Variants in USP42 observed in about 807,000 individuals in gnomAD.
The protein encoded by USP42 is ubiquitin carboxyl-terminal hydrolase 42.
Under a neutral mutation model 113.0 loss-of-function variants are expected in USP42, and 23 were observed. That is an observed-to-expected ratio of 0.20 (90% confidence interval 0.15 to 0.29). The LOEUF (loss-of-function observed/expected upper bound fraction) is 0.29, where lower values mean the gene tolerates loss of function less well. USP42 is among the 10% of genes least tolerant of loss of function. The pLI is 1.00. For missense variants in USP42, 2,174 were observed against 1,779.8 expected (o/e 1.22, Z -3.99); for synonymous variants, 933 against 699.0 (o/e 1.33, Z -5.28).
intron 1 of USP42, among the ~76,000 whole-genome samples, chr7:6,107,841 T>C (rs1164811188): frequency 2.0e-5 from 3 of 152,190 alleles, no homozygotes; most frequent in African/African-American, 7.2e-5. Context: ...TGATTGAGGG[T>C]CAGCTACCTT....
the USP42 span, among the ~76,000 whole-genome samples, chr7:6,091,978 T>TTCTTCCTC: frequency 5.9e-5 from 4 of 67,866 alleles, 2 homozygotes; most frequent in African/African-American, 2.7e-4. Flanking sequence ...GGACGTATTT[T>TTCTTCCTC]TTCTTCTTCT....
At chr7:6,112,619 A>G (rs974520554) in intron 2 of USP42, among the ~76,000 whole-genome samples, 41 of 152,330 alleles carry the variant, frequency 2.7e-4, no homozygotes, top group African/African-American at 9.6e-4. Flanking sequence ...TTTGAAATAC[A>G]ATAGAATTTC....
At chr7:6,151,691 C>G (rs1583678181) in intron 14 of USP42, among the ~76,000 whole-genome samples, 1 of 152,224 alleles carries the variant, frequency 6.6e-6, no homozygotes, top group East Asian at 1.9e-4. Context: ...CATCCACCCG[C>G]TGTGGCCTCC....
intron 3 of USP42, among the ~76,000 whole-genome samples, chr7:6,117,893 C>A (rs1449360528): frequency 6.6e-6 from 1 of 152,054 alleles, no homozygotes; most frequent in Non-Finnish European, 1.5e-5. Context: ...GCTAAAATGC[C>A]TGTTGAAATC....
the USP42 span, among the ~76,000 whole-genome samples, chr7:6,095,183 G>T: frequency 1.3e-5 from 2 of 151,196 alleles, no homozygotes; most frequent in African/African-American, 4.9e-5. Flanking sequence ...TGGGAACCAG[G>T]GAATTGACCA....
In USP42 at chr7:6,139,269, T is replaced by G. The variant is rs1282045004; in HGVS notation, c.656+75T>G. 1 of 1,235,448 alleles carries G rather than the reference T, an allele frequency of 8.1e-7. No homozygotes were observed. Among genetic ancestry groups the G allele is most frequent in the East Asian group, 2.7e-5 (1 of 37,558 alleles). The allele number at this position is 1,235,448 out of a possible 1,614,324, so 76.5% of individuals were successfully genotyped here. On this transcript the variant is annotated intron_variant, in intron 5 of 17. Transcript: ENST00000306177. The surrounding 1 kb of genome is among the most constrained non-coding windows in gnomAD (Gnocchi z 4.5). The stretch of plus-strand genomic sequence containing the variant: ...TAGTTTATTCTTATCAGAATTCATT[T>G]TCACCTTTTTTGTTGGAAGCACACA...
chr7:6,094,470 C>T, the USP42 span, among the ~76,000 whole-genome samples: 1 of 151,224 alleles, frequency 6.6e-6, no homozygotes, highest in Non-Finnish European at 1.5e-5. Flanking sequence ...TAAGCCCAGC[C>T]TGAGAGATTC....
chr7:6,142,881 C>A, intron 7 of USP42, 51 bp from the exon 8 acceptor site: 1 of 1,591,362 alleles, frequency 6.3e-7, no homozygotes, highest in Non-Finnish European at 8.6e-7. Flanking sequence ...AAGACCCAAA[C>A]ACAAGTGACG....
At chr7:6,120,584 G>A (rs1170628892) in intron 3 of USP42, among the ~76,000 whole-genome samples, 1 of 151,840 alleles carries the variant, frequency 6.6e-6, no homozygotes, top group African/African-American at 2.4e-5. Flanking sequence ...TCAGGCATGA[G>A]CCACTATGCC....
intron 6 of USP42, among the ~76,000 whole-genome samples, chr7:6,140,690 G>A (rs955769788): frequency 3.9e-5 from 6 of 152,218 alleles, no homozygotes; most frequent in Admixed American, 3.3e-4. Flanking sequence ...TTCTAAGAGG[G>A]TATACCAGTT....
intron 3 of USP42, among the ~76,000 whole-genome samples, chr7:6,132,221 G>GC (rs954276520): frequency 6.6e-6 from 1 of 152,090 alleles, no homozygotes; most frequent in African/African-American, 2.4e-5. Flanking sequence ...ACCACACCTG[G>GC]CCCGTTCTTT....
Position 6,140,859 on chromosome 7 carries a change from A to G in USP42, c.725-55A>G. 6 of 933,300 alleles carry G rather than the reference A, an allele frequency of 6.4e-6. No homozygotes were observed. The South Asian group carries it at 9.3e-5, about 15-fold the overall frequency. 57.8% of individuals were successfully genotyped at this position (933,300 alleles called of 1,614,324 possible). A position where few individuals can be genotyped will look rare whatever the true frequency, so the allele number is the denominator to read the frequency against. On this transcript the variant is annotated intron_variant, in intron 6 of 17. Transcript: ENST00000306177. ...TTGTATTTTGTCATTTCAGTAGTTGATGTTGCTGTAATGATTATACTTTGC... is the reference window on the plus strand; with the variant it reads ...TTGTATTTTGTCATTTCAGTAGTTGGTGTTGCTGTAATGATTATACTTTGC...
intron 2 of USP42, among the ~76,000 whole-genome samples, chr7:6,112,523 T>A (rs1779653671): frequency 6.6e-6 from 1 of 152,188 alleles, no homozygotes; most frequent in South Asian, 2.1e-4. Flanking sequence ...CAAATGTGGT[T>A]ACATTCGTTA....
chr7:6,148,214 G>A (rs1391190015), intron 12 of USP42, among the ~76,000 whole-genome samples: 2 of 152,084 alleles, frequency 1.3e-5, no homozygotes, highest in Admixed American at 6.5e-5. Flanking sequence ...GGTGTGTGCT[G>A]TGGTCCCAGC....
In USP42 at chr7:6,154,321, A is replaced by G. The variant is rs768626028; in HGVS notation, c.2767A>G (p.Arg923Gly). The G allele has an allele frequency of 2.5e-6, 4 of 1,576,660 alleles. No individual in the cohort carries two copies. Among genetic ancestry groups the G allele is most frequent in the Non-Finnish European group, 3.4e-6 (4 of 1,161,974 alleles). ...EGDAEPSPGE[R>G]VEDAAAPKAP... ...GGACGCTGAGCCTAGCCCCGGCGAGAGGGTCGAGGACGCCGCGGCGCCGAA... is the reference window on the plus strand; with the variant it reads ...GGACGCTGAGCCTAGCCCCGGCGAGGGGGTCGAGGACGCCGCGGCGCCGAA... Residue 923 changes from arginine (R) to glycine (G), a missense_variant, in exon 15 of 18, where the codon AGG (arginine) becomes GGG (glycine). By Grantham distance (125) the Arg-to-Gly change is moderately radical. Transcript: ENST00000306177.
rs572254862 is a variant in USP42 at position 6,113,836 on chromosome 7, T to C, written c.242-1487T>C. 3.3e-5 allele frequency among the ~76,000 whole-genome samples: 5 copies of C among 152,132 alleles called. No individual in the cohort carries two copies. The South Asian group carries it at 1.0e-3, about 32-fold the overall frequency. On this transcript the variant is annotated intron_variant, in intron 2 of 17. Transcript: ENST00000306177. The stretch of plus-strand genomic sequence containing the variant: ...CAGGGTTTCACTGTGTTAGCCTGAA[T>C]AGTCTCGATCTCCTGACCTTGTGAT...
intron 1 of USP42, among the ~76,000 whole-genome samples, chr7:6,106,828 A>G (rs1388673665): frequency 6.6e-6 from 1 of 152,048 alleles, no homozygotes; most frequent in African/African-American, 2.4e-5. Context: ...GGCCTCCCAA[A>G]GTGTTGGGAT....
rs964974232 is a variant in USP42 at position 6,111,437 on chromosome 7, G to C, written c.241+63G>C. ...TCCTGTGTAAATGCTGCTGGGGCTT[G>C]GTGGTTTCAGAGAGGGGCTTATTTT... is the stretch of plus-strand genomic sequence containing the variant. On this transcript the variant is annotated intron_variant, in intron 2 of 17. Coordinates refer to ENST00000306177, the MANE Select transcript of USP42 (RefSeq NM_032172.3). The C allele has an allele frequency of 1.2e-5, 19 of 1,566,784 alleles. No homozygotes were observed. In the African/African-American group the frequency reaches 2.4e-4, roughly 20 times the overall value.
chr7:6,147,950 AC>A, intron 12 of USP42, 58 bp downstream of exon 12: 1 of 1,516,438 alleles, frequency 6.6e-7, no homozygotes, highest in East Asian at 2.3e-5. Context: ...GTAACTTCAA[AC>A]TCTCAAGTTG....
Sources: allele counts gnomAD v4.1 joint callset (sites outside exome capture counted in the v4.1 genomes callset), GRCh38; gene constraint gnomAD v4.1.1; non-coding constraint Gnocchi (gnomAD v3.1); transcripts MANE v1.5; gene names NCBI Gene and HGNC (gene_info 2026-07-23, HGNC 2026-07-21).